N4BP2L2: variants seen among roughly 807,000 people sequenced by gnomAD.
N4BP2L2 encodes the protein NEDD4-binding protein 2-like 2.
Under a neutral mutation model 56.2 loss-of-function variants are expected in N4BP2L2, and 50 were observed. The ratio of observed to expected loss-of-function variants is 0.89; its 90% CI spans 0.71 to 1.13. The LOEUF (loss-of-function observed/expected upper bound fraction) is 1.13, where lower values mean the gene tolerates loss of function less well. N4BP2L2 is among the 50% of genes most tolerant of loss of function. The pLI, the probability that N4BP2L2 is intolerant of heterozygous loss-of-function variation, is 0.00. For synonymous variants in N4BP2L2, 203 were observed against 223.6 expected, an observed-to-expected ratio of 0.91 and a Z score of 0.82; for missense variants, 689 against 693.8, an observed-to-expected ratio of 0.99 and a Z score of 0.08.
exon 6 of N4BP2L2, chr13:32,513,262 A>G (rs1407968866): frequency 6.6e-6 from 1 of 152,238 alleles, no homozygotes; most frequent in East Asian, 1.9e-4. Flanking sequence ...TAGGCTTAAC[A>G]TATTTGGCAA....
intron 6 of N4BP2L2, among the ~76,000 whole-genome samples, chr13:32,450,886 C>CTA (rs1411555433): frequency 8.0e-6 from 1 of 124,800 alleles, no homozygotes; most frequent in Non-Finnish European, 1.6e-5. Flanking sequence ...CTCTCTCTCT[C>CTA]TCTCTCTCTC....
chr13:32,517,318 A>G, exon 6 of N4BP2L2: 4 of 987,258 alleles, frequency 4.1e-6, no homozygotes, highest in Non-Finnish European at 4.8e-6. Context: ...ATTTTGTCAC[A>G]CAGATCAATC....
chr13:32,493,797 A>T (rs1022023808), intron 6 of N4BP2L2, among the ~76,000 whole-genome samples: 15 of 152,256 alleles, frequency 9.9e-5, no homozygotes, highest in African/African-American at 3.6e-4. Flanking sequence ...AAGGATTCAG[A>T]CTTATTGATG....
intron 6 of N4BP2L2, among the ~76,000 whole-genome samples, chr13:32,444,358 G>A (rs1049656085): frequency 1.3e-5 from 2 of 152,072 alleles, no homozygotes; most frequent in African/African-American, 2.4e-5. Context: ...TCTGCCTCCC[G>A]GGTTCAAGCA....
At chr13:32,442,501 G>A (rs759589890) in exon 7 of N4BP2L2, 6 of 1,613,744 alleles carry the variant, frequency 3.7e-6, no homozygotes, top group South Asian at 2.2e-5. Flanking sequence ...GCTGTCCTCA[G>A]CTGGTAATTC....
chr13:32,461,925 A>C (rs1356088120), intron 6 of N4BP2L2, among the ~76,000 whole-genome samples: 6 of 152,228 alleles, frequency 3.9e-5, no homozygotes, highest in Non-Finnish European at 8.8e-5. Flanking sequence ...TATTAAAAAG[A>C]CAAAAAAATA....
chr13:32,536,399 T>C, exon 2 of N4BP2L2: 1 of 1,614,148 alleles, frequency 6.2e-7, no homozygotes, highest in Non-Finnish European at 8.5e-7. Context: ...ACCATTATTA[T>C]GACCCTCATA....
At chr13:32,527,996 T>C (rs1485489862) in intron 2 of N4BP2L2, among the ~76,000 whole-genome samples, 1 of 152,144 alleles carries the variant, frequency 6.6e-6, no homozygotes, top group East Asian at 1.9e-4. Flanking sequence ...GGTGTTGAAC[T>C]CCTGACCTCT....
At chr13:32,455,152 G>A (rs1432372072) in intron 6 of N4BP2L2, among the ~76,000 whole-genome samples, 1 of 152,172 alleles carries the variant, frequency 6.6e-6, no homozygotes, top group Non-Finnish European at 1.5e-5. Context: ...ACTGCATGCT[G>A]CTATCACTAG....
At chr13:32,521,291 T>C in intron 5 of N4BP2L2, 82 bp downstream of exon 5, 4 of 1,096,930 alleles carry the variant, frequency 3.6e-6, no homozygotes, top group Non-Finnish European at 5.4e-6. Flanking sequence ...TACATTTGTA[T>C]TCAATAAACT....
chr13:32,519,912 T>C (rs947145182), intron 5 of N4BP2L2, among the ~76,000 whole-genome samples: 7 of 152,324 alleles, frequency 4.6e-5, no homozygotes, highest in Admixed American at 1.3e-4. Flanking sequence ...CATAACTGCA[T>C]AGCATTTTAT....
At chr13:32,457,470 T>C (rs1241823872) in intron 6 of N4BP2L2, among the ~76,000 whole-genome samples, 1 of 151,910 alleles carries the variant, frequency 6.6e-6, no homozygotes, top group Non-Finnish European at 1.5e-5. Context: ...ATTCTGAAAA[T>C]GGCAAGAAAA....
chr13:32,465,758 A>T lies in N4BP2L2; in HGVS notation c.366-21632T>A, dbSNP rs546407444. Among the ~76,000 whole-genome samples the T allele has an allele frequency of 1.2e-4, 19 of 152,232 alleles. No homozygotes were observed. In the South Asian group the frequency reaches 4.0e-3, roughly 32 times the overall value. ...AACCTCTGTCTCCTGACTTCAAGCGATTCTCCTGCCTCAGCCTCCTGAGTA... is the reference window on the plus strand; with the variant it reads ...AACCTCTGTCTCCTGACTTCAAGCGTTTCTCCTGCCTCAGCCTCCTGAGTA... On this transcript the variant is annotated intron_variant, in intron 6 of 9. Coordinates refer to the N4BP2L2 transcript ENST00000357505.
At chr13:32,475,260 T>C (rs981000977) in intron 6 of N4BP2L2, among the ~76,000 whole-genome samples, 5 of 152,222 alleles carry the variant, frequency 3.3e-5, no homozygotes, top group African/African-American at 4.8e-5. Context: ...GTCTGGGCTA[T>C]ATACCCTGAT....
chr13:32,458,095 T>C (rs1275929440), intron 6 of N4BP2L2, among the ~76,000 whole-genome samples: 2 of 152,208 alleles, frequency 1.3e-5, no homozygotes, highest in Non-Finnish European at 2.9e-5. Context: ...ACAGAGACTT[T>C]GCTCTGTTGC....
intron 2 of N4BP2L2, among the ~76,000 whole-genome samples, chr13:32,532,210 T>C (rs1002353661): frequency 8.5e-5 from 13 of 152,340 alleles, no homozygotes; most frequent in Middle Eastern, 3.4e-3. Flanking sequence ...TTATTCAGCC[T>C]ACCATTGCAA....
intron 6 of N4BP2L2, among the ~76,000 whole-genome samples, chr13:32,444,951 T>C (rs1040352439): frequency 2.6e-5 from 4 of 152,168 alleles, no homozygotes; most frequent in Non-Finnish European, 5.9e-5. Context: ...TATTTGTGTA[T>C]ATAAACATAT....
intron 6 of N4BP2L2, among the ~76,000 whole-genome samples, chr13:32,482,923 AGTTT>A (rs749791631): frequency 9.8e-5 from 15 of 152,342 alleles, no homozygotes; most frequent in South Asian, 2.1e-4. Context: ...ATCTACTACT[AGTTT>A]GTTTGTATTT....
At chr13:32,450,936 G>A (rs141531766) in intron 6 of N4BP2L2, among the ~76,000 whole-genome samples, 2 of 128,846 alleles carry the variant, frequency 1.6e-5, no homozygotes, top group East Asian at 2.4e-4. Flanking sequence ...GGCTGGTCTC[G>A]AACTCCTGGA....
Sources: allele counts gnomAD v4.1 joint callset (sites outside exome capture counted in the v4.1 genomes callset), GRCh38; gene constraint gnomAD v4.1.1; transcripts MANE v1.5; gene names NCBI Gene and HGNC (gene_info 2026-07-23, HGNC 2026-07-21).